ERGIC2: variants seen among roughly 807,000 people sequenced by gnomAD.
The protein encoded by ERGIC2 is endoplasmic reticulum-Golgi intermediate compartment protein 2.
Under a neutral mutation model 52.5 loss-of-function variants are expected in ERGIC2, and 31 were observed. The ratio of observed to expected loss-of-function variants is 0.59; its 90% confidence interval spans 0.44 to 0.80. The LOEUF (loss-of-function observed/expected upper bound fraction) is 0.80. Among genes scored for constraint, ERGIC2 ranks in the 30% least tolerant of loss-of-function variants. ERGIC2 has a pLI of 0.00. For synonymous variants in ERGIC2, 129 were observed against 140.6 expected, an observed-to-expected ratio of 0.92 and a Z score of 0.58; for missense variants, 395 against 455.2, an observed-to-expected ratio of 0.87 and a Z score of 1.20.
rs747854922 is a variant in ERGIC2, at chr12:29,345,484, T to C, written c.784A>G (p.Lys262Glu). 5 of 1,604,574 alleles carry C rather than the reference T, an allele frequency of 3.1e-6. No homozygotes were observed. The highest frequency in any genetic ancestry group is 4.3e-6 in the Non-Finnish European group (5 of 1,172,948). Reference protein sequence around the residue: ...TVVPTKLHTYKISADTHQFSV... With the variant: ...TVVPTKLHTYEISADTHQFSV... Reference sequence around the variant, plus strand: ...AACTGATGGGTGTCTGCTGATATTTTATATGTATGTAGTTTTGTTGGCACA... The same window carrying C: ...AACTGATGGGTGTCTGCTGATATTTCATATGTATGTAGTTTTGTTGGCACA... Residue 262 changes from lysine to glutamate, a missense_variant, in exon 11 of 14, where the codon AAA becomes GAA. Lys to Glu is a moderately conservative substitution (Grantham distance 56, BLOSUM62 1). Coordinates refer to ENST00000360150, the MANE Select transcript of ERGIC2 (RefSeq NM_016570.3).
chr12:29,371,499 C>G, intron 2 of ERGIC2, 29 bp downstream of exon 2: 2 of 1,432,498 alleles, frequency 1.4e-6, no homozygotes, highest in Non-Finnish European at 1.9e-6. Context: ...GTACTTACTA[C>G]AGAACTTTTA....
In ERGIC2 at chr12:29,350,093, A is replaced by T. The variant is rs778894342; in HGVS notation, c.573-25T>A. 6 of 1,421,600 alleles carry T rather than the reference A, an allele frequency of 4.2e-6. No homozygotes were observed. The African/African-American group carries it at 5.7e-5, about 13-fold the overall frequency. The allele number at this position is 1,421,600 out of a possible 1,614,324, so 88.1% of individuals were successfully genotyped here. ...CCTGAAAGGAGAAAAAACAATTATT[A>T]AAGTAGTACCATTTATATGTATAAT... On this transcript the variant is annotated intron_variant, in intron 8 of 13. Transcript: ENST00000360150.
chr12:29,341,653 G>A (rs1000037745), intron 13 of ERGIC2, 81 bp downstream of exon 13: 16 of 760,998 alleles, frequency 2.1e-5, no homozygotes, highest in Middle Eastern at 2.4e-4. Context: ...GATTACAGGT[G>A]TGAGCCACCA....
At chr12:29,373,608 T>C (rs1940473464) in intron 1 of ERGIC2, among the ~76,000 whole-genome samples, 1 of 152,168 alleles carries the variant, frequency 6.6e-6, no homozygotes, top group Non-Finnish European at 1.5e-5. Context: ...GAGCACTATT[T>C]ATCAGTCCAG....
intron 1 of ERGIC2, among the ~76,000 whole-genome samples, chr12:29,378,757 A>T (rs1940547807): frequency 6.6e-6 from 1 of 152,112 alleles, no homozygotes; most frequent in Non-Finnish European, 1.5e-5. Flanking sequence ...AGACAATATA[A>T]ATGTGAGTTT....
In ERGIC2 at chr12:29,337,724, G is replaced by A. The variant is rs1949807035; in HGVS notation, c.*3432C>T. On this transcript the variant is annotated 3_prime_UTR_variant, in exon 14 of 14. Transcript: ENST00000360150. Reference sequence around the variant, plus strand: ...AGATTTTAAAGGTCCTAAAGCTCAGGTTTAAGTAACTTTTAAACAATCAAA... The same window carrying A: ...AGATTTTAAAGGTCCTAAAGCTCAGATTTAAGTAACTTTTAAACAATCAAA... The A allele has an allele frequency of 6.6e-6, 1 of 152,134 alleles. No homozygotes were observed. Among genetic ancestry groups the A allele is most frequent in the South Asian group, 2.1e-4 (1 of 4,834 alleles). 9.4% of individuals were successfully genotyped at this position (152,134 alleles called of 1,614,324 possible). A position where few individuals can be genotyped will look rare whatever the true frequency, so the allele number is the denominator to read the frequency against.
Position 29,371,531 on chromosome 12 carries a change from T to C in ERGIC2, c.103A>G (p.Thr35Ala). The stretch of plus-strand genomic sequence containing the variant: ...TTTAATGTTAACTGATACTCACCTG[T>C]ACCTCCACTGGCTGAAGTCTCTACA... ...SYVETSASGGTVSLIAFTTMA... is the reference protein window; with the variant it reads ...SYVETSASGGAVSLIAFTTMA... Residue 35 changes from threonine (T) to alanine (A), a missense_variant, in exon 2 of 14, where the codon ACA (threonine) becomes GCA (alanine). Coordinates refer to ENST00000360150, the MANE Select transcript of ERGIC2 (RefSeq NM_016570.3). 1 of 1,602,058 alleles carries C rather than the reference T, an allele frequency of 6.2e-7. No individual in the cohort carries two copies. Among genetic ancestry groups the C allele is most frequent in the Non-Finnish European group, 8.5e-7 (1 of 1,172,680 alleles).
At chr12:29,368,336 ACATGAGAAATATAAAT>A (rs1354875785) in intron 3 of ERGIC2, 49 bp from the exon 4 acceptor site, 2 of 966,558 alleles carry the variant, frequency 2.1e-6, no homozygotes, top group Admixed American at 3.8e-5. Context: ...AATTAGCAAA[ACATGAGAAATATAAAT>A]CAACTGACCT....
intron 1 of ERGIC2, among the ~76,000 whole-genome samples, chr12:29,378,272 G>C (rs1940541041): frequency 6.6e-6 from 1 of 152,186 alleles, no homozygotes; most frequent in Non-Finnish European, 1.5e-5. Flanking sequence ...GGATTGCCCA[G>C]AAGCCAGGAA....
intron 8 of ERGIC2, among the ~76,000 whole-genome samples, chr12:29,353,002 C>A (rs550723038): frequency 1.1e-4 from 16 of 152,162 alleles, no homozygotes; most frequent in Non-Finnish European, 1.9e-4. Flanking sequence ...CATAAAGGAG[C>A]CTTCTTTCTT....
intron 8 of ERGIC2, 28 bp downstream of exon 8, chr12:29,356,354 G>A: frequency 2.3e-6 from 3 of 1,294,244 alleles, no homozygotes; most frequent in Non-Finnish European, 3.4e-6. Context: ...TTTGTCTAAA[G>A]TATTTTCAGT....
chr12:29,350,180 A>G lies in ERGIC2; in HGVS notation c.573-112T>C, dbSNP rs549511163. On this transcript the variant is annotated intron_variant, in intron 8 of 13. Coordinates refer to ENST00000360150, the MANE Select transcript of ERGIC2 (RefSeq NM_016570.3). ...ATAATTTTTCTTAGTACAAAATAAC[A>G]TAAGAATGCATTTGGCCTATTGACT... The G allele has an allele frequency of 1.1e-5, 7 of 643,606 alleles. No homozygotes were observed. In the Admixed American group the frequency reaches 1.1e-4, roughly 10 times the overall value. The allele number at this position is 643,606 out of a possible 1,614,324, so 39.9% of individuals were successfully genotyped here.
chr12:29,344,931 C>G (rs1940025644), intron 11 of ERGIC2, among the ~76,000 whole-genome samples: 1 of 152,106 alleles, frequency 6.6e-6, no homozygotes, highest in African/African-American at 2.4e-5. Flanking sequence ...GGCCATACCA[C>G]CCTGAGGTAG....
At position 29,338,753 on chromosome 12, in the gene ERGIC2, A is replaced by C. The variant is rs1246359331; in HGVS notation, c.*2403T>G. On this transcript the variant is annotated 3_prime_UTR_variant, in exon 14 of 14. Coordinates refer to ENST00000360150, the MANE Select transcript of ERGIC2 (RefSeq NM_016570.3). ...CAGGGAATTATTCACCTAAATATTT[A>C]ATCTTCTTTATAGGTCAATGTATGC... 6.6e-6 allele frequency: 1 copy of C among 152,210 alleles called. No homozygotes were observed. Among genetic ancestry groups the C allele is most frequent in the East Asian group, 1.9e-4 (1 of 5,206 alleles). 9.4% of individuals were successfully genotyped at this position (152,210 alleles called of 1,614,324 possible). A position where few individuals can be genotyped will look rare whatever the true frequency, so the allele number is the denominator to read the frequency against.
chr12:29,362,807 A>G (rs1252125825), intron 5 of ERGIC2, among the ~76,000 whole-genome samples: 2 of 152,172 alleles, frequency 1.3e-5, no homozygotes, highest in African/African-American at 4.8e-5. Context: ...ATTTGCCTAA[A>G]GCATGCTACC....
intron 6 of ERGIC2, 25 bp downstream of exon 6, chr12:29,361,620 C>A: frequency 6.4e-7 from 1 of 1,572,588 alleles, no homozygotes; most frequent in Non-Finnish European, 8.7e-7. Context: ...TTTCTATGGA[C>A]CACAATACTT....
At chr12:29,354,602 T>C (rs1327787020) in intron 8 of ERGIC2, among the ~76,000 whole-genome samples, 1 of 152,194 alleles carries the variant, frequency 6.6e-6, no homozygotes, top group African/African-American at 2.4e-5. Flanking sequence ...AATATTGAAC[T>C]TGACAAATGT....
intron 3 of ERGIC2, among the ~76,000 whole-genome samples, chr12:29,369,585 T>A (rs752735228): frequency 9.2e-5 from 14 of 152,040 alleles, no homozygotes; most frequent in South Asian, 2.1e-4. Context: ...TTTGGTGCAA[T>A]CTTAATATTA....
At chr12:29,378,456 A>G (rs888256462) in intron 1 of ERGIC2, among the ~76,000 whole-genome samples, 4 of 152,220 alleles carry the variant, frequency 2.6e-5, no homozygotes, top group Non-Finnish European at 4.4e-5. Flanking sequence ...AATTCAGGCC[A>G]TCGCTGAATA....
Sources: allele counts gnomAD v4.1 joint callset (sites outside exome capture counted in the v4.1 genomes callset), GRCh38; gene constraint gnomAD v4.1.1; transcripts MANE v1.5; gene names NCBI Gene and HGNC (gene_info 2026-07-23, HGNC 2026-07-21).